Variants in SUPT3H observed in about 807,000 individuals in gnomAD.
SUPT3H encodes transcription initiation protein SPT3 homolog.
In SUPT3H, 44 loss-of-function variants were observed where a neutral mutation model predicts 44.3. The ratio of observed to expected loss-of-function variants is 0.99; its 90% CI spans 0.78 to 1.28. The LOEUF is 1.28. SUPT3H is among the 50% of genes most tolerant of loss of function. The probability of loss-of-function intolerance (pLI) is 0.00; values close to 1 mark genes in which losing one functional copy is unlikely to be tolerated. For missense variants in SUPT3H, 380 were observed against 387.1 expected (o/e 0.98, Z 0.15); for synonymous variants, 124 against 125.6 (o/e 0.99, Z 0.09).
chr6:45,034,906 A>G (rs749630219), intron 3 of SUPT3H, among the ~76,000 whole-genome samples: 20 of 152,318 alleles, frequency 1.3e-4, no homozygotes, highest in Non-Finnish European at 1.9e-4. Flanking sequence ...TCTCCACCGT[A>G]GTCCACAGCT....
rs191849325 is a variant in SUPT3H, at chr6:44,905,289, T to C, written c.912+27364A>G. 5.4e-3 allele frequency among the ~76,000 whole-genome samples: 823 copies of C among 152,062 alleles called. 12 individuals carry two copies. Among genetic ancestry groups the C allele is most frequent in the African/African-American group, 0.019 (793 of 41,446 alleles). On this transcript the variant is annotated intron_variant, in intron 10 of 10. Coordinates refer to ENST00000371459, the MANE Select transcript of SUPT3H (RefSeq NM_003599.4). ...CTACTCATCTGACAAAAGGCTAATA[T>C]CCAGAATCTACAATGATCTCCAACA... is the stretch of plus-strand genomic sequence containing the variant.
chr6:45,157,243 T>C (rs887248666), intron 2 of SUPT3H, among the ~76,000 whole-genome samples: 1 of 151,988 alleles, frequency 6.6e-6, no homozygotes, highest in Admixed American at 6.6e-5. Context: ...TTAAGAAAAA[T>C]GGTTATCAAT....
chr6:45,369,022 T>C (rs1436749420), intron 1 of SUPT3H, among the ~76,000 whole-genome samples: 2 of 152,186 alleles, frequency 1.3e-5, no homozygotes, highest in East Asian at 1.9e-4. Context: ...AAAAATTAAA[T>C]ACATAAAATA....
intron 2 of SUPT3H, among the ~76,000 whole-genome samples, chr6:45,266,773 G>C (rs1481849505): frequency 6.6e-6 from 1 of 151,960 alleles, no homozygotes; most frequent in Non-Finnish European, 1.5e-5. Flanking sequence ...CATATTTACA[G>C]AGGTAGCCAT....
intron 3 of SUPT3H, among the ~76,000 whole-genome samples, chr6:45,052,531 C>T (rs147241407): frequency 4.6e-5 from 7 of 152,246 alleles, no homozygotes; most frequent in South Asian, 2.1e-4. Flanking sequence ...GTATTGACTG[C>T]GTTTCTCAGT....
chr6:45,153,404 C>CAA (rs1807264902), intron 2 of SUPT3H, among the ~76,000 whole-genome samples: 1 of 152,094 alleles, frequency 6.6e-6, no homozygotes, highest in Non-Finnish European at 1.5e-5. Context: ...ATAGGAACAA[C>CAA]AAGTAGATAT....
At chr6:45,012,651 C>A (rs1783665757) in intron 5 of SUPT3H, among the ~76,000 whole-genome samples, 2 of 151,876 alleles carry the variant, frequency 1.3e-5, no homozygotes, top group South Asian at 2.1e-4. Context: ...TACATCTGGG[C>A]CCCCAAAAAG....
At chr6:44,963,105 T>C (rs1776273564) in intron 6 of SUPT3H, among the ~76,000 whole-genome samples, 1 of 151,570 alleles carries the variant, frequency 6.6e-6, no homozygotes, top group Admixed American at 6.6e-5. Flanking sequence ...ATAAATTATA[T>C]ATGTACACAT....
At chr6:45,083,101 C>A (rs1266113753) in intron 3 of SUPT3H, among the ~76,000 whole-genome samples, 1 of 151,670 alleles carries the variant, frequency 6.6e-6, no homozygotes. Flanking sequence ...CTATAAAACC[C>A]TGCTGTAAGA....
chr6:45,347,230 A>G (rs1791064579), intron 2 of SUPT3H, among the ~76,000 whole-genome samples: 1 of 152,182 alleles, frequency 6.6e-6, no homozygotes, highest in African/African-American at 2.4e-5. Context: ...CTTAGAATTA[A>G]GAGATATAGT....
At chr6:45,317,426 A>G (rs1287297089) in intron 2 of SUPT3H, among the ~76,000 whole-genome samples, 2 of 152,002 alleles carry the variant, frequency 1.3e-5, no homozygotes, top group Non-Finnish European at 2.9e-5. Context: ...GAGGCTTCAC[A>G]TTACCTAATT....
chr6:45,306,931 C>T (rs1783121114), intron 2 of SUPT3H, among the ~76,000 whole-genome samples: 1 of 152,238 alleles, frequency 6.6e-6, no homozygotes, highest in African/African-American at 2.4e-5. Flanking sequence ...TAACACTGCG[C>T]TTTTCCAATG....
intron 3 of SUPT3H, among the ~76,000 whole-genome samples, chr6:45,063,853 A>G (rs1391762842): frequency 2.8e-5 from 4 of 140,590 alleles, no homozygotes; most frequent in Admixed American, 7.3e-5. Flanking sequence ...TGAAAGTGAC[A>G]GGGAGAATGG....
intron 3 of SUPT3H, among the ~76,000 whole-genome samples, chr6:45,025,727 CA>C (rs5875906): frequency 6.6e-6 from 1 of 151,790 alleles, no homozygotes. Flanking sequence ...ACTAAAAATA[CA>C]AAAAATGAGC....
intron 2 of SUPT3H, among the ~76,000 whole-genome samples, chr6:45,345,824 C>T (rs953078271): frequency 1.3e-5 from 2 of 152,124 alleles, no homozygotes; most frequent in South Asian, 2.1e-4. Flanking sequence ...CCTCAGTCTG[C>T]CAAAGCTTGC....
intron 10 of SUPT3H, among the ~76,000 whole-genome samples, chr6:44,890,551 T>C (rs1324168758): frequency 7.2e-6 from 1 of 139,452 alleles, no homozygotes; most frequent in Non-Finnish European, 1.5e-5. Context: ...TAGGTGGGAA[T>C]TGAACAATGA....
intron 10 of SUPT3H, among the ~76,000 whole-genome samples, chr6:44,896,216 T>C (rs1440221790): frequency 6.6e-6 from 1 of 152,156 alleles, no homozygotes; most frequent in African/African-American, 2.4e-5. Flanking sequence ...TTCATAAGCC[T>C]TGAATTCAAG....
intron 2 of SUPT3H, among the ~76,000 whole-genome samples, chr6:45,156,569 A>G (rs1002056269): frequency 1.3e-5 from 2 of 149,524 alleles, no homozygotes; most frequent in African/African-American, 5.0e-5. Flanking sequence ...ATACTAATAT[A>G]ATTAATATAA....
intron 6 of SUPT3H, among the ~76,000 whole-genome samples, chr6:44,992,673 G>A (rs749131859): frequency 3.9e-5 from 6 of 152,094 alleles, no homozygotes. Context: ...AAAGGAATAG[G>A]GGGAAGAAAA....
Sources: gnomAD v4.1 joint callset for allele counts (sites outside exome capture counted in the v4.1 genomes callset) on GRCh38, gnomAD v4.1.1 for gene constraint, MANE v1.5 for transcripts, NCBI Gene and HGNC (gene_info 2026-07-23, HGNC 2026-07-21) for gene names.